The following TRHDE variants were observed in gnomAD, a reference collection of about 807,000 sequenced individuals.
The protein encoded by TRHDE is thyrotropin-releasing hormone-degrading ectoenzyme.
In TRHDE, 72 loss-of-function variants were observed where a neutral mutation model predicts 125.7. The ratio of observed to expected loss-of-function variants is 0.57; its 90% CI spans 0.47 to 0.70. TRHDE has a LOEUF of 0.70. TRHDE is among the 30% of genes least tolerant of loss of function. TRHDE has a pLI of 0.00. For missense variants in TRHDE, 1,110 were observed against 1,327.1 expected, an observed-to-expected ratio of 0.84 and a Z score of 2.54; for synonymous variants, 509 against 509.1, an observed-to-expected ratio of 1.00 and a Z score of 0.00.
chr12:72,564,816 G>A (rs1303398494), intron 9 of TRHDE, among the ~76,000 whole-genome samples: 4 of 151,268 alleles, frequency 2.6e-5, no homozygotes, highest in African/African-American at 7.3e-5. Flanking sequence ...TAAAGGGCCC[G>A]CCGCCACACC....
At chr12:72,641,448 T>G (rs1461279573) in intron 15 of TRHDE, among the ~76,000 whole-genome samples, 1 of 152,208 alleles carries the variant, frequency 6.6e-6, no homozygotes, top group Non-Finnish European at 1.5e-5. Flanking sequence ...GAGGCAGATG[T>G]TAAGATCCTC....
chr12:72,545,087 A>G (rs1019342868), intron 7 of TRHDE, among the ~76,000 whole-genome samples: 4 of 151,478 alleles, frequency 2.6e-5, no homozygotes, highest in African/African-American at 9.7e-5. Flanking sequence ...TGGTGATACC[A>G]CCAGCAAATT....
intron 2 of TRHDE, among the ~76,000 whole-genome samples, chr12:72,145,411 C>T (rs1876205484): frequency 6.6e-6 from 1 of 152,164 alleles, no homozygotes; most frequent in African/African-American, 2.4e-5. Context: ...TATTCAACCT[C>T]TCTTTGTTTT....
chr12:72,390,929 C>T (rs1386899402), intron 3 of TRHDE, among the ~76,000 whole-genome samples: 1 of 151,976 alleles, frequency 6.6e-6, no homozygotes, highest in Non-Finnish European at 1.5e-5. Flanking sequence ...TTATTTTGTT[C>T]ACTTGCTTGT....
intron 3 of TRHDE, among the ~76,000 whole-genome samples, chr12:72,456,115 T>C (rs553859994): frequency 2.2e-4 from 32 of 144,124 alleles, no homozygotes; most frequent in Non-Finnish European, 3.8e-4. Context: ...ATTATATAAA[T>C]ATAATATGTA....
chr12:72,274,028 A>C, intron 1 of TRHDE: 1 of 160,168 alleles, frequency 6.2e-6, no homozygotes. Context: ...CACCCACAAC[A>C]TGCCCATCTT....
rs538123010 is a variant in TRHDE at position 72,389,474 on chromosome 12, G to A, written c.1315+11353G>A. ...TGCCATAACAAAATACCATAGACCG[G>A]GTGACTAAACAACAGAAGTATATTT... On this transcript the variant is annotated intron_variant, in intron 3 of 18. Transcript: ENST00000261180. Among the ~76,000 whole-genome samples the A allele has an allele frequency of 1.6e-4, 25 of 152,256 alleles. No homozygotes were observed. The South Asian group carries it at 4.4e-3, about 27-fold the overall frequency.
At chr12:72,167,699 G>A (rs1876782895) in intron 2 of TRHDE, 1 of 152,156 alleles carries the variant, frequency 6.6e-6, no homozygotes, top group Non-Finnish European at 1.5e-5. Context: ...CTTACCAGAT[G>A]TGTTATTTAC....
intron 2 of TRHDE, chr12:72,256,978 G>GT (rs1353081818): frequency 6.6e-6 from 1 of 152,168 alleles, no homozygotes; most frequent in Non-Finnish European, 1.5e-5. Flanking sequence ...AGTTCCAATA[G>GT]TTTTTTATTG....
At chr12:72,161,990 A>G (rs529900389) in intron 2 of TRHDE, among the ~76,000 whole-genome samples, 1 of 152,190 alleles carries the variant, frequency 6.6e-6, no homozygotes, top group Non-Finnish European at 1.5e-5. Context: ...AGTTTGCCCA[A>G]TAGTATGGTT....
At chr12:72,571,412 T>C (rs1401767949) in intron 10 of TRHDE, among the ~76,000 whole-genome samples, 5 of 152,200 alleles carry the variant, frequency 3.3e-5, no homozygotes, top group Non-Finnish European at 5.9e-5. Context: ...CAGTCAGTGG[T>C]GGATAATATA....
intron 3 of TRHDE, among the ~76,000 whole-genome samples, chr12:72,433,974 C>T (rs1327078235): frequency 6.6e-6 from 1 of 152,000 alleles, no homozygotes; most frequent in Non-Finnish European, 1.5e-5. Flanking sequence ...CCATGAGCTC[C>T]GTGTACCTGC....
At chr12:72,228,041 A>C (rs1878169788) in intron 2 of TRHDE, among the ~76,000 whole-genome samples, 1 of 152,156 alleles carries the variant, frequency 6.6e-6, no homozygotes, top group Non-Finnish European at 1.5e-5. Flanking sequence ...CCAGGTGCAC[A>C]GTGCAAGCTG....
intron 2 of TRHDE, among the ~76,000 whole-genome samples, chr12:72,339,316 G>A (rs528769886): frequency 5.9e-4 from 89 of 151,998 alleles, no homozygotes; most frequent in African/African-American, 2.1e-3. Context: ...CAATAATATT[G>A]ACTAGTATTA....
intron 1 of TRHDE, among the ~76,000 whole-genome samples, chr12:72,101,288 G>T (rs192195492): frequency 2.1e-4 from 32 of 152,166 alleles, no homozygotes; most frequent in Admixed American, 3.9e-4. Flanking sequence ...TCGTCTGCTC[G>T]AAATATAGGT....
chr12:72,505,250 C>A (rs553045043), intron 6 of TRHDE, among the ~76,000 whole-genome samples: 1 of 152,222 alleles, frequency 6.6e-6, no homozygotes, highest in Non-Finnish European at 1.5e-5. Context: ...AACATGAAAA[C>A]TACTCTATTT....
At chr12:72,207,039 T>G (rs747672754) in intron 2 of TRHDE, among the ~76,000 whole-genome samples, 11 of 152,178 alleles carry the variant, frequency 7.2e-5, no homozygotes, top group Admixed American at 1.3e-4. Context: ...TCTCAACATT[T>G]TCTATTACAG....
chr12:72,173,693 C>T (rs1445908841), intron 2 of TRHDE, among the ~76,000 whole-genome samples: 1 of 152,080 alleles, frequency 6.6e-6, no homozygotes, highest in African/African-American at 2.4e-5. Context: ...AAGAATGGGA[C>T]AAAAAAGTCC....
At chr12:72,565,906 T>G (rs1014750644) in intron 9 of TRHDE, among the ~76,000 whole-genome samples, 2 of 152,214 alleles carry the variant, frequency 1.3e-5, no homozygotes, top group African/African-American at 4.8e-5. Context: ...TGATGAAAAT[T>G]CAAGTTAAAC....
Sources: gnomAD v4.1 joint callset for allele counts (sites outside exome capture counted in the v4.1 genomes callset) on GRCh38, gnomAD v4.1.1 for gene constraint, MANE v1.5 for transcripts, NCBI Gene and HGNC (gene_info 2026-07-23, HGNC 2026-07-21) for gene names.